ATXN7L1: variants seen among roughly 807,000 people sequenced by gnomAD.
The protein encoded by ATXN7L1 is ataxin-7-like protein 1.
In ATXN7L1, 15 loss-of-function variants were observed where a neutral mutation model predicts 70.8. The ratio of observed to expected loss-of-function variants is 0.21; its 90% confidence interval spans 0.14 to 0.33. ATXN7L1 has a LOEUF of 0.33. ATXN7L1 is among the 10% of genes least tolerant of loss of function. The pLI is 1.00. For missense variants in ATXN7L1, 975 were observed against 1,097.1 expected (o/e 0.89, Z 1.57); for synonymous variants, 440 against 445.1 (o/e 0.99, Z 0.14).
chr7:105,760,449 T>A (rs1411229351), intron 3 of ATXN7L1: 1 of 985,786 alleles, frequency 1.0e-6, no homozygotes, highest in African/African-American at 1.7e-5. Flanking sequence ...CAGGTTTTCA[T>A]CCCATTAAGA....
rs1308684187 is a variant in ATXN7L1, at chr7:105,614,057, C to T, written c.2277G>A (p.Leu759=). The T allele has an allele frequency of 2.6e-6, 4 of 1,551,792 alleles. No individual in the cohort carries two copies. The highest frequency in any genetic ancestry group is 1.2e-5 in the South Asian group (1 of 84,052). The stretch of plus-strand genomic sequence containing the variant: ...GAGAAGACACAGCATTGTGTGAGGC[C>T]AGAGAGAGGTCCCCTGCGTGGAGCG... ...SLALHAGDLS[L]ASHNAVSSLP... The change falls in exon 10 of 12, where the codon CTG becomes CTA. Residue 759 remains leucine, a synonymous_variant. Coordinates refer to ENST00000419735, the MANE Select transcript of ATXN7L1 (RefSeq NM_020725.2). This position sits in a 1 kb window ranked among gnomAD's most constrained non-coding sequence, Gnocchi z 4.3.
chr7:105,693,763 G>T lies in ATXN7L1; in HGVS notation c.356-28475C>A, dbSNP rs571386. 9.0e-3 allele frequency among the ~76,000 whole-genome samples: 1,369 copies of T among 152,242 alleles called. 22 individuals are homozygous for T. The highest frequency in any genetic ancestry group is 0.032 in the African/African-American group (1,311 of 41,516). The stretch of plus-strand genomic sequence containing the variant: ...GCCACCAGCGCCATGGTGGTGAACA[G>T]GAACCCACATAGTGGCTTTCTCTTT... On this transcript the variant is annotated intron_variant, in intron 3 of 11. Coordinates refer to ENST00000419735, the MANE Select transcript of ATXN7L1 (RefSeq NM_020725.2).
intron 2 of ATXN7L1, among the ~76,000 whole-genome samples, chr7:105,790,606 T>G (rs998988376): frequency 7.5e-6 from 1 of 133,658 alleles, no homozygotes; most frequent in East Asian, 2.2e-4. Flanking sequence ...AAGAAAAAAA[T>G]TATCTATCTA....
chr7:105,876,010 A>G, intron 1 of ATXN7L1, 130 bp from the exon 2 acceptor site: 1 of 879,168 alleles, frequency 1.1e-6, no homozygotes, highest in Non-Finnish European at 1.8e-6. Context: ...AAATTCTTTC[A>G]AAAATTGACA....
chr7:105,799,598 C>A (rs562195256), intron 2 of ATXN7L1, among the ~76,000 whole-genome samples: 5 of 152,140 alleles, frequency 3.3e-5, no homozygotes, highest in African/African-American at 1.2e-4. Flanking sequence ...AAAGCAATTG[C>A]GACATTTTTT....
intron 2 of ATXN7L1, among the ~76,000 whole-genome samples, chr7:105,846,284 G>A (rs1190732599): frequency 6.6e-6 from 1 of 151,984 alleles, no homozygotes; most frequent in Non-Finnish European, 1.5e-5. Flanking sequence ...AGCCACCGTC[G>A]GCAACACAGC....
chr7:105,655,490 G>T (rs1468244474), intron 4 of ATXN7L1, among the ~76,000 whole-genome samples: 1 of 152,224 alleles, frequency 6.6e-6, no homozygotes, highest in Non-Finnish European at 1.5e-5. Context: ...AAGGAGGCCA[G>T]GGAGAGGCAA....
chr7:105,820,296 A>C (rs1809946690), intron 2 of ATXN7L1, among the ~76,000 whole-genome samples: 1 of 152,214 alleles, frequency 6.6e-6, no homozygotes, highest in Non-Finnish European at 1.5e-5. Context: ...ATATTGGCTT[A>C]ATATTCATAC....
chr7:105,778,978 A>C (rs1403105140), intron 3 of ATXN7L1, among the ~76,000 whole-genome samples: 1 of 152,264 alleles, frequency 6.6e-6, no homozygotes, highest in Non-Finnish European at 1.5e-5. Context: ...AAAATGAGAA[A>C]GAGCAATGAA....
At chr7:105,720,706 G>A (rs1250139154) in intron 3 of ATXN7L1, among the ~76,000 whole-genome samples, 1 of 152,160 alleles carries the variant, frequency 6.6e-6, no homozygotes, top group East Asian at 1.9e-4. Context: ...CCTAGGCTCA[G>A]CGATCCTCCA....
chr7:105,817,539 T>C (rs768135066), intron 2 of ATXN7L1, among the ~76,000 whole-genome samples: 7 of 152,138 alleles, frequency 4.6e-5, no homozygotes, highest in Non-Finnish European at 7.4e-5. Context: ...CGTGTGACTA[T>C]TGAAAATATA....
intron 3 of ATXN7L1, among the ~76,000 whole-genome samples, chr7:105,755,180 T>G (rs936605115): frequency 3.3e-5 from 5 of 152,090 alleles, no homozygotes; most frequent in Non-Finnish European, 5.9e-5. Context: ...TCATTCATAT[T>G]AAGGTGTTTC....
At chr7:105,830,000 T>C (rs981136119) in intron 2 of ATXN7L1, among the ~76,000 whole-genome samples, 2 of 152,206 alleles carry the variant, frequency 1.3e-5, no homozygotes, top group African/African-American at 4.8e-5. Context: ...AGAAGCCTCC[T>C]TGTCACTGGG....
At chr7:105,736,042 C>T (rs1429618293) in intron 3 of ATXN7L1, among the ~76,000 whole-genome samples, 1 of 152,170 alleles carries the variant, frequency 6.6e-6, no homozygotes. Context: ...TAATCATTTT[C>T]TTGGCTTCTG....
intron 7 of ATXN7L1, among the ~76,000 whole-genome samples, chr7:105,631,760 C>T (rs567739556): frequency 6.6e-6 from 1 of 152,232 alleles, no homozygotes; most frequent in Non-Finnish European, 1.5e-5. Flanking sequence ...AGCCATTGCA[C>T]CTGGCCAATG....
chr7:105,620,651 T>A (rs1794780389), intron 8 of ATXN7L1, among the ~76,000 whole-genome samples: 1 of 152,058 alleles, frequency 6.6e-6, no homozygotes, highest in South Asian at 2.1e-4. Flanking sequence ...TGCCAGCACT[T>A]TGGGAGGCTG....
At chr7:105,768,334 A>T (rs1801548719) in intron 3 of ATXN7L1, among the ~76,000 whole-genome samples, 1 of 152,094 alleles carries the variant, frequency 6.6e-6, no homozygotes, top group South Asian at 2.1e-4. Context: ...GTTGCAAGGG[A>T]CTCCCAAATT....
chr7:105,753,178 T>A (rs1322825551), intron 3 of ATXN7L1, among the ~76,000 whole-genome samples: 1 of 152,186 alleles, frequency 6.6e-6, no homozygotes, highest in Non-Finnish European at 1.5e-5. Context: ...GAGAAGCCAC[T>A]GGAGGAGATA....
At chr7:105,843,964 C>G (rs1450783060) in intron 2 of ATXN7L1, among the ~76,000 whole-genome samples, 1 of 152,202 alleles carries the variant, frequency 6.6e-6, no homozygotes, top group Non-Finnish European at 1.5e-5. Flanking sequence ...TCAACTGAAG[C>G]TACAGCAGTA....
Sources: allele counts gnomAD v4.1 joint callset (sites outside exome capture counted in the v4.1 genomes callset), GRCh38; gene constraint gnomAD v4.1.1; non-coding constraint Gnocchi (gnomAD v3.1); transcripts MANE v1.5; gene names NCBI Gene and HGNC (gene_info 2026-07-23, HGNC 2026-07-21).